PDLIM1: variants seen among roughly 807,000 people sequenced by gnomAD.
The protein encoded by PDLIM1 is PDZ and LIM domain protein 1.
In PDLIM1, 25 loss-of-function variants were observed where a neutral mutation model predicts 35.2. The ratio of observed to expected loss-of-function variants is 0.71; its 90% CI spans 0.52 to 0.99. The LOEUF (loss-of-function observed/expected upper bound fraction) is 0.99, where lower values mean the gene tolerates loss of function less well. Ranked by LOEUF, PDLIM1 falls within the 50% of genes least tolerant of loss-of-function variation. The probability of loss-of-function intolerance (pLI) is 0.00; values close to 1 mark genes in which losing one functional copy is unlikely to be tolerated. For missense variants in PDLIM1, 363 were observed against 415.3 expected (o/e 0.87, Z 1.09); for synonymous variants, 152 against 154.0 (o/e 0.99, Z 0.10).
At chr10:95,265,837 G>A (rs2035411940) in intron 3 of PDLIM1, among the ~76,000 whole-genome samples, 1 of 152,166 alleles carries the variant, frequency 6.6e-6, no homozygotes, top group African/African-American at 2.4e-5. Flanking sequence ...ATGAGATGGA[G>A]GATGCAGTGT....
At chr10:95,262,655 C>T (rs965824885) in intron 4 of PDLIM1, among the ~76,000 whole-genome samples, 6 of 151,130 alleles carry the variant, frequency 4.0e-5, no homozygotes, top group Admixed American at 4.0e-4. Flanking sequence ...ATCCTGCCTG[C>T]CACTTTTGGG....
At chr10:95,248,870 T>C (rs1291165795) in intron 4 of PDLIM1, among the ~76,000 whole-genome samples, 3 of 152,210 alleles carry the variant, frequency 2.0e-5, no homozygotes, top group South Asian at 4.1e-4. Context: ...GGTGTTGTCA[T>C]GGCTCCCATG....
At chr10:95,283,979 C>CTT (rs2035580388) in intron 1 of PDLIM1, among the ~76,000 whole-genome samples, 1 of 97,192 alleles carries the variant, frequency 1.0e-5, no homozygotes, top group Admixed American at 9.2e-5. Context: ...TGGCCTTTTT[C>CTT]TCTGTGTGTG....
At chr10:95,261,379 C>T (rs2035360981) in intron 4 of PDLIM1, among the ~76,000 whole-genome samples, 8 of 152,292 alleles carry the variant, frequency 5.3e-5, no homozygotes, top group Admixed American at 4.6e-4. Flanking sequence ...CTCCCCAGCA[C>T]CAAAGCAGCT....
chr10:95,239,606 G>A (rs1238052057), intron 5 of PDLIM1, among the ~76,000 whole-genome samples: 1 of 152,126 alleles, frequency 6.6e-6, no homozygotes, highest in Admixed American at 6.6e-5. Context: ...GAATAGCCTG[G>A]CCAACATAGC....
chr10:95,256,758 G>C (rs2035314353), intron 4 of PDLIM1, among the ~76,000 whole-genome samples: 1 of 151,900 alleles, frequency 6.6e-6, no homozygotes, highest in Non-Finnish European at 1.5e-5. Context: ...GATCACTTGA[G>C]GTCAGGAGTT....
chr10:95,265,071 A>C lies in PDLIM1; in HGVS notation c.334-1008T>G, dbSNP rs573439057. On this transcript the variant is annotated intron_variant, in intron 3 of 6. Coordinates refer to ENST00000329399, the MANE Select transcript of PDLIM1 (RefSeq NM_020992.4). ...ATGTGTCTTAGTGTCTGTGTTTTCC[A>C]GAAAAATCTTCCTGAACTCTAGTCT... Among the ~76,000 whole-genome samples, 21 of 152,254 alleles carry C rather than the reference A, an allele frequency of 1.4e-4. 1 individual carries two copies. In the South Asian group the frequency reaches 3.5e-3, roughly 26 times the overall value.
At chr10:95,254,575 C>G (rs1300445536) in intron 4 of PDLIM1, among the ~76,000 whole-genome samples, 3 of 152,172 alleles carry the variant, frequency 2.0e-5, no homozygotes, top group Non-Finnish European at 4.4e-5. Context: ...CTCTTAACAA[C>G]TGATAGATCA....
In PDLIM1 at chr10:95,290,484, G is replaced by A. The variant is rs2035643465; in HGVS notation, c.96+336C>T. On this transcript the variant is annotated intron_variant, in intron 1 of 6. Coordinates refer to ENST00000329399, the MANE Select transcript of PDLIM1 (RefSeq NM_020992.4). This position sits in a 1 kb window ranked among gnomAD's most constrained non-coding sequence, Gnocchi z 4.7. ...GGAGAAGTGCCATCTCCCAGCGCGC[G>A]GGATCTGCGGGGACCCTCGTCCCCT... Among the ~76,000 whole-genome samples, 1 of 151,656 alleles carries A rather than the reference G, an allele frequency of 6.6e-6. No individual in the cohort carries two copies. Among genetic ancestry groups the A allele is most frequent in the Non-Finnish European group, 1.5e-5 (1 of 67,932 alleles).
At chr10:95,256,030 A>C (rs532411196) in intron 4 of PDLIM1, among the ~76,000 whole-genome samples, 1 of 152,294 alleles carries the variant, frequency 6.6e-6, no homozygotes, top group Non-Finnish European at 1.5e-5. Flanking sequence ...AATAATCCAA[A>C]AAGAAAACTA....
intron 4 of PDLIM1, among the ~76,000 whole-genome samples, chr10:95,251,784 A>G (rs1352057075): frequency 1.3e-5 from 2 of 152,210 alleles, no homozygotes; most frequent in Non-Finnish European, 1.5e-5. Context: ...AACCCTGGAC[A>G]TTACATATAA....
chr10:95,257,001 A>AG (rs1436515281), intron 4 of PDLIM1, among the ~76,000 whole-genome samples: 1 of 120,580 alleles, frequency 8.3e-6, no homozygotes, highest in Non-Finnish European at 1.9e-5. Context: ...AAAGAAAGAA[A>AG]GAAAGAAAGA....
chr10:95,244,120 T>G (rs1387635006), intron 5 of PDLIM1, among the ~76,000 whole-genome samples: 2 of 152,176 alleles, frequency 1.3e-5, no homozygotes. Flanking sequence ...TAAGTATATT[T>G]CACCATTTTT....
chr10:95,253,793 C>T (rs1056235994), intron 4 of PDLIM1, among the ~76,000 whole-genome samples: 3 of 152,088 alleles, frequency 2.0e-5, no homozygotes, highest in African/African-American at 7.2e-5. Context: ...AATTATAACA[C>T]TGTCTGATGT....
intron 1 of PDLIM1, among the ~76,000 whole-genome samples, chr10:95,272,204 CA>C (rs2035470668): frequency 6.6e-6 from 1 of 152,060 alleles, no homozygotes; most frequent in African/African-American, 2.4e-5. Flanking sequence ...TTAACAATTA[CA>C]TTTAAAAAAA....
At chr10:95,279,231 A>T (rs1346311610) in intron 1 of PDLIM1, among the ~76,000 whole-genome samples, 1 of 152,186 alleles carries the variant, frequency 6.6e-6, no homozygotes, top group African/African-American at 2.4e-5. Flanking sequence ...CCATTTAGCC[A>T]CAGGCTCTAC....
chr10:95,285,763 G>T (rs2035596766), intron 1 of PDLIM1, among the ~76,000 whole-genome samples: 1 of 152,172 alleles, frequency 6.6e-6, no homozygotes, highest in Admixed American at 6.5e-5. Context: ...CCAAGCCTCA[G>T]TTCCCTCATC....
intron 4 of PDLIM1, among the ~76,000 whole-genome samples, chr10:95,249,172 C>T (rs569338817): frequency 6.6e-5 from 10 of 152,224 alleles, no homozygotes; most frequent in Non-Finnish European, 1.5e-4. Flanking sequence ...ACGAACACTG[C>T]AGAATGGGTC....
chr10:95,242,839 A>C (rs1442821692), intron 5 of PDLIM1, among the ~76,000 whole-genome samples: 1 of 152,150 alleles, frequency 6.6e-6, no homozygotes, highest in Non-Finnish European at 1.5e-5. Flanking sequence ...TGGCTGATGA[A>C]GCCATCTGGC....
Sources: gnomAD v4.1 joint callset for allele counts (sites outside exome capture counted in the v4.1 genomes callset) on GRCh38, gnomAD v4.1.1 for gene constraint, Gnocchi (gnomAD v3.1) non-coding constraint, MANE v1.5 for transcripts, NCBI Gene and HGNC (gene_info 2026-07-23, HGNC 2026-07-21) for gene names.